ARL5A: variants seen among roughly 807,000 people sequenced by gnomAD.
The protein encoded by ARL5A is ADP-ribosylation factor-like protein 5A.
ARL5A carries 18 observed loss-of-function variants against 25.9 expected under a neutral mutation model. The observed-to-expected ratio is 0.69, with a 90% confidence interval of 0.48 to 1.03. The LOEUF is 1.03. ARL5A is among the 50% of genes least tolerant of loss of function. ARL5A has a pLI of 0.00. For synonymous variants in ARL5A, 61 were observed against 67.5 expected (o/e 0.90, Z 0.47); for missense variants, 170 against 211.9 (o/e 0.80, Z 1.23).
rs559522037 is a variant in ARL5A, at chr2:151,800,637, T to G, written c.*2639A>C. 1 of 152,162 alleles carries G rather than the reference T, an allele frequency of 6.6e-6. No individual in the cohort carries two copies. Among genetic ancestry groups the G allele is most frequent in the African/African-American group, 2.4e-5 (1 of 41,452 alleles). The allele number at this position is 152,162 out of a possible 1,614,324, so 9.4% of individuals were successfully genotyped here. On this transcript the variant is annotated 3_prime_UTR_variant, in exon 6 of 6. Transcript: ENST00000295087. ...GCCCATTATGAGGACCAAGAGGTAC[T>G]GGGAAGATAAAGAGAACTGAAAATT...
Position 151,803,337 on chromosome 2 carries a change from CAA to C in ARL5A, c.492-15_492-14del. On this transcript the variant is annotated splice_polypyrimidine_tract_variant and intron_variant, in intron 5 of 5. Transcript: ENST00000295087. Reference sequence around the variant, plus strand: ...TCCTTGGCACAATCTATAAAGAAAACAAAATCATTTGATTAAATTCTGAACTA... The same window carrying C: ...TCCTTGGCACAATCTATAAAGAAAACAATCATTTGATTAAATTCTGAACTA... 6.2e-7 allele frequency: 1 copy of C among 1,607,126 alleles called. No homozygotes were observed.
chr2:151,824,434 C>T (rs1578383579), intron 1 of ARL5A, among the ~76,000 whole-genome samples: 1 of 152,194 alleles, frequency 6.6e-6, no homozygotes, highest in East Asian at 1.9e-4. Flanking sequence ...TACCCCTTGG[C>T]TACTCAGCTT....
chr2:151,810,056 C>T (rs1431525718), intron 4 of ARL5A, among the ~76,000 whole-genome samples: 1 of 152,074 alleles, frequency 6.6e-6, no homozygotes, highest in African/African-American at 2.4e-5. Context: ...GCACTCCAGC[C>T]TGGGCAACAG....
At chr2:151,812,947 G>A (rs1269536773) in intron 3 of ARL5A, among the ~76,000 whole-genome samples, 1 of 152,078 alleles carries the variant, frequency 6.6e-6, no homozygotes, top group Non-Finnish European at 1.5e-5. Context: ...CCTTACATAA[G>A]TATCGCCTGC....
At chr2:151,817,643 C>T (rs1174451637) in intron 1 of ARL5A, among the ~76,000 whole-genome samples, 1 of 152,194 alleles carries the variant, frequency 6.6e-6, no homozygotes. Context: ...CAGCTTAGAA[C>T]CACTAGGGTC....
rs776378418 is a variant in ARL5A, at chr2:151,812,349, T to C, written c.339+8A>G. 2 of 1,579,134 alleles carry C rather than the reference T, an allele frequency of 1.3e-6. No individual in the cohort carries two copies. The highest frequency in any genetic ancestry group is 1.7e-6 in the Non-Finnish European group (2 of 1,159,556). ...CCCATATCTAATGTAAAAAGACTACTTACTTACCTCATGCGCTAACATTTT... is the reference window on the plus strand; with the variant it reads ...CCCATATCTAATGTAAAAAGACTACCTACTTACCTCATGCGCTAACATTTT... On this transcript the variant is annotated splice_region_variant and intron_variant, in intron 4 of 5. Transcript: ENST00000295087.
intron 4 of ARL5A, among the ~76,000 whole-genome samples, chr2:151,807,384 T>A (rs940463160): frequency 9.2e-5 from 14 of 152,212 alleles, no homozygotes; most frequent in African/African-American, 3.4e-4. Context: ...CCTATCCTAC[T>A]GCTCTCTAAA....
At chr2:151,825,654 A>G (rs2099832950) in intron 1 of ARL5A, among the ~76,000 whole-genome samples, 1 of 152,164 alleles carries the variant, frequency 6.6e-6, no homozygotes. Context: ...GGGGTTTCAG[A>G]AACAGGAGAT....
At chr2:151,815,562 A>G (rs999117072) in intron 1 of ARL5A, among the ~76,000 whole-genome samples, 22 of 152,244 alleles carry the variant, frequency 1.4e-4, no homozygotes, top group African/African-American at 5.3e-4. Flanking sequence ...GGATTACATC[A>G]ATGAGGTTCT....
At chr2:151,824,936 C>A (rs138083476) in intron 1 of ARL5A, among the ~76,000 whole-genome samples, 184 of 152,340 alleles carry the variant, frequency 1.2e-3, no homozygotes, top group Non-Finnish European at 1.8e-3. Flanking sequence ...GGAATAATAT[C>A]TACCTTGTAG....
rs1346253216 is a variant in ARL5A, at chr2:151,800,601, T to C, written c.*2675A>G. The C allele has an allele frequency of 6.6e-6, 1 of 152,222 alleles. No homozygotes were observed. Among genetic ancestry groups the C allele is most frequent in the African/African-American group, 2.4e-5 (1 of 41,466 alleles). 9.4% of individuals were successfully genotyped at this position (152,222 alleles called of 1,614,324 possible). ...ATAACCCCTATACAACCTGCCTTCG[T>C]TGTATCCTTTGCCCATTATGAGGAC... is the stretch of plus-strand genomic sequence containing the variant. On this transcript the variant is annotated 3_prime_UTR_variant, in exon 6 of 6. Transcript: ENST00000295087.
In ARL5A at chr2:151,806,854, T is replaced by C. The variant is rs1370457140; in HGVS notation, c.458A>G (p.His153Arg). 2 of 1,612,970 alleles carry C rather than the reference T, an allele frequency of 1.2e-6. No homozygotes were observed. The highest frequency in any genetic ancestry group is 1.7e-6 in the Non-Finnish European group (2 of 1,179,668). Reference sequence around the variant, plus strand: ...AGTTAGAGCACAGCATGCCTGGATATGCCACTGGTGATCTTTAATAGAAGT... The same window carrying C: ...AGTTAGAGCACAGCATGCCTGGATACGCCACTGGTGATCTTTAATAGAAGT... ...KLTSIKDHQWHIQACCALTGE... is the reference protein window; with the variant it reads ...KLTSIKDHQWRIQACCALTGE... Residue 153 changes from histidine to arginine, a missense_variant, in exon 5 of 6, where the codon CAT (histidine) becomes CGT (arginine). Physicochemically the swap from His to Arg is conservative, Grantham distance 29. Coordinates refer to ENST00000295087, the MANE Select transcript of ARL5A (RefSeq NM_012097.4).
chr2:151,809,820 G>A (rs998118292), intron 4 of ARL5A, among the ~76,000 whole-genome samples: 7 of 152,198 alleles, frequency 4.6e-5, no homozygotes, highest in African/African-American at 1.7e-4. Flanking sequence ...GGGCGCTCAC[G>A]CCTGTAATCC....
intron 1 of ARL5A, among the ~76,000 whole-genome samples, chr2:151,817,298 C>T (rs920707820): frequency 7.2e-5 from 11 of 152,202 alleles, no homozygotes; most frequent in African/African-American, 2.4e-4. Context: ...CACTAATCTC[C>T]GCTTAATGAG....
chr2:151,803,334 A>C lies in ARL5A; in HGVS notation c.492-10T>G. The C allele has an allele frequency of 6.2e-7, 1 of 1,608,442 alleles. No individual in the cohort carries two copies. The highest frequency in any genetic ancestry group is 8.5e-7 in the Non-Finnish European group (1 of 1,175,168). On this transcript the variant is annotated splice_polypyrimidine_tract_variant and intron_variant, in intron 5 of 5. Transcript: ENST00000295087. ...AAGTCCTTGGCACAATCTATAAAGA[A>C]AACAAAATCATTTGATTAAATTCTG... is the stretch of plus-strand genomic sequence containing the variant.
In ARL5A at chr2:151,814,185, T is replaced by G; in HGVS notation, c.239A>C (p.Tyr80Ser). 6.3e-7 allele frequency: 1 copy of G among 1,598,848 alleles called. No homozygotes were observed. Among genetic ancestry groups the G allele is most frequent in the Non-Finnish European group, 8.5e-7 (1 of 1,175,684 alleles). The change falls in exon 3 of 6, where the codon TAC becomes TCC. Residue 80 changes from tyrosine (Y) to serine (S), a missense_variant. Coordinates refer to ENST00000295087, the MANE Select transcript of ARL5A (RefSeq NM_012097.4). ...QESLRSSWNT[Y>S]YTNTEFVIVV... The stretch of plus-strand genomic sequence containing the variant: ...AAACATTACCTCTGTGTTAGTATAG[T>G]AAGTGTTCCAGGAAGAACGAAGAGA...
intron 4 of ARL5A, among the ~76,000 whole-genome samples, chr2:151,808,590 T>C (rs1279896216): frequency 6.6e-6 from 1 of 152,252 alleles, no homozygotes; most frequent in African/African-American, 2.4e-5. Context: ...GCTACAATGT[T>C]TGCAATTTTA....
rs753614091 is a variant in ARL5A at position 151,799,212 on chromosome 2, T to C, written c.*4064A>G. ...GGAGCTTCAAAGACATATTTCTCTA[T>C]CTGCATTTACAGTCAATGCATGACA... is the stretch of plus-strand genomic sequence containing the variant. On this transcript the variant is annotated 3_prime_UTR_variant, in exon 6 of 6. Coordinates refer to ENST00000295087, the MANE Select transcript of ARL5A (RefSeq NM_012097.4). 5 of 152,240 alleles carry C rather than the reference T, an allele frequency of 3.3e-5. No individual in the cohort carries two copies. Among genetic ancestry groups the C allele is most frequent in the Non-Finnish European group, 7.3e-5 (5 of 68,040 alleles). 9.4% of individuals were successfully genotyped at this position (152,240 alleles called of 1,614,324 possible).
chr2:151,803,143 C>G lies in ARL5A; in HGVS notation c.*133G>C. On this transcript the variant is annotated 3_prime_UTR_variant, in exon 6 of 6. Transcript: ENST00000295087. ...TCATCTTTGTTTTCAAATAAGTGGT[C>G]TTAATTTTTCTTCTTATAGAAAAAG... 1 of 586,056 alleles carries G rather than the reference C, an allele frequency of 1.7e-6. No individual in the cohort carries two copies. Among genetic ancestry groups the G allele is most frequent in the Non-Finnish European group, 2.9e-6 (1 of 341,766 alleles). The allele number at this position is 586,056 out of a possible 1,614,324, so 36.3% of individuals were successfully genotyped here.
Sources: gnomAD v4.1 joint callset for allele counts (sites outside exome capture counted in the v4.1 genomes callset) on GRCh38, gnomAD v4.1.1 for gene constraint, MANE v1.5 for transcripts, NCBI Gene and HGNC (gene_info 2026-07-23, HGNC 2026-07-21) for gene names.